TPO: variants seen among roughly 807,000 people sequenced by gnomAD.
TPO encodes thyroid microsomal antigen.
In TPO, 78 loss-of-function variants were observed where a neutral mutation model predicts 96.9. That is an observed-to-expected ratio of 0.81 (90% CI 0.67 to 0.97). TPO has a LOEUF of 0.97. Among genes scored for constraint, TPO ranks in the 50% least tolerant of loss-of-function variants. The probability of loss-of-function intolerance (pLI) is 0.00; values close to 1 mark genes in which losing one functional copy is unlikely to be tolerated. For missense variants in TPO, 1,252 were observed against 1,274.8 expected (o/e 0.98, Z 0.27); for synonymous variants, 547 against 538.0 (o/e 1.02, Z -0.23).
intron 14 of TPO, among the ~76,000 whole-genome samples, chr2:1,507,237 G>T (rs536092466): frequency 8.9e-4 from 136 of 152,218 alleles, no homozygotes; most frequent in South Asian, 2.1e-3. Context: ...TGTTCCATTG[G>T]TCTATATCTC....
rs1423708445 is a variant in TPO at position 1,516,961 on chromosome 2, C to T, written c.2597C>T (p.Thr866Ile). 2 of 1,613,868 alleles carry T rather than the reference C, an allele frequency of 1.2e-6. No individual in the cohort carries two copies. The highest frequency in any genetic ancestry group is 1.7e-6 in the Non-Finnish European group (2 of 1,180,048). The change falls in exon 15 of 17, where the codon ACC (threonine) becomes ATC (isoleucine). Residue 866 changes from threonine to isoleucine, a missense_variant. By Grantham distance (89) the Thr-to-Ile change is moderately conservative (BLOSUM62 -1). Coordinates refer to ENST00000329066, the MANE Select transcript of TPO (RefSeq NM_001206744.2). ...ALLIGGFAGL[T>I]STVICRWTRT... The stretch of plus-strand genomic sequence containing the variant: ...CTGATCGGAGGCTTCGCAGGTCTCA[C>T]CTCGACGGTGATTTGCAGGTGGTAA...
chr2:1,494,154 T>C (rs1672092044), intron 11 of TPO, 115 bp downstream of exon 11: 1 of 1,066,362 alleles, frequency 9.4e-7, no homozygotes, highest in Non-Finnish European at 1.4e-6. Context: ...ATTCAACTCT[T>C]ACGTAAGCCT....
intron 4 of TPO, among the ~76,000 whole-genome samples, 170 bp downstream of exon 4, chr2:1,433,777 A>C (rs1384319261): frequency 6.6e-6 from 1 of 152,146 alleles, no homozygotes; most frequent in Non-Finnish European, 1.5e-5. Context: ...TGCTTACCAA[A>C]CAGTCTCAAT....
chr2:1,475,537 C>G (rs1451092621), intron 7 of TPO, among the ~76,000 whole-genome samples: 1 of 152,124 alleles, frequency 6.6e-6, no homozygotes, highest in Non-Finnish European at 1.5e-5. Flanking sequence ...CATTCTCCTG[C>G]CTCAGCCTCC....
intron 7 of TPO, among the ~76,000 whole-genome samples, chr2:1,471,270 A>G (rs1669379687): frequency 6.6e-6 from 1 of 152,158 alleles, no homozygotes; most frequent in Admixed American, 6.5e-5. Context: ...GGGTGCAGTT[A>G]GTCTATTCGA....
chr2:1,457,879 G>A (rs1410113648), intron 7 of TPO, among the ~76,000 whole-genome samples: 2 of 151,954 alleles, frequency 1.3e-5, no homozygotes, highest in Admixed American at 6.6e-5. Context: ...ATGATCTCGG[G>A]TGGGCACGTG....
chr2:1,433,152 G>A (rs1665195530), intron 3 of TPO, among the ~76,000 whole-genome samples: 1 of 152,128 alleles, frequency 6.6e-6, no homozygotes, highest in Non-Finnish European at 1.5e-5. Context: ...CAATTGTTAT[G>A]AGAATCCAAT....
chr2:1,448,293 TG>T (rs1475938352), intron 5 of TPO, among the ~76,000 whole-genome samples: 1 of 152,228 alleles, frequency 6.6e-6, no homozygotes, highest in Non-Finnish European at 1.5e-5. Context: ...ACGCAGCTCC[TG>T]CATGCAGCTC....
At chr2:1,493,425 G>A (rs1372536399) in intron 10 of TPO, among the ~76,000 whole-genome samples, 1 of 152,180 alleles carries the variant, frequency 6.6e-6, no homozygotes, top group Non-Finnish European at 1.5e-5. Context: ...TGGCGTCCGA[G>A]CTGGAACATT....
chr2:1,477,175 G>T lies in TPO; in HGVS notation c.909G>T (p.Ala303=), dbSNP rs1433208263. Residue 303 remains alanine, a synonymous_variant, in exon 8 of 17, where the codon GCG becomes GCT. Transcript: ENST00000329066. ...CCTGCGGCACCGGGGACCAAGGCGC[G>T]CTCTTTGGGAACCTGTCCACGGCCA... is the stretch of plus-strand genomic sequence containing the variant. ...SAACGTGDQG[A]LFGNLSTANP... 1 of 1,609,788 alleles carries T rather than the reference G, an allele frequency of 6.2e-7. No individual in the cohort carries two copies. Among genetic ancestry groups the T allele is most frequent in the Admixed American group, 1.7e-5 (1 of 59,722 alleles).
At chr2:1,532,183 C>A (rs1348662588) in intron 15 of TPO, among the ~76,000 whole-genome samples, 5 of 101,492 alleles carry the variant, frequency 4.9e-5, no homozygotes, top group African/African-American at 7.7e-5. Flanking sequence ...CCACAGTGCG[C>A]AACCTCCTCA....
At chr2:1,441,606 T>G (rs1315144191) in intron 5 of TPO, among the ~76,000 whole-genome samples, 1 of 152,126 alleles carries the variant, frequency 6.6e-6, no homozygotes, top group East Asian at 1.9e-4. Context: ...CAGATCAGGG[T>G]CCTCGACTCT....
rs1680908764 is a variant in TPO, at chr2:1,542,902, C to T, written c.*428C>T. The T allele has an allele frequency of 3.3e-6, 1 of 300,482 alleles. No homozygotes were observed. Among genetic ancestry groups the T allele is most frequent in the Non-Finnish European group, 6.4e-6 (1 of 156,208 alleles). 18.6% of individuals were successfully genotyped at this position (300,482 alleles called of 1,614,324 possible). A position where few individuals can be genotyped will look rare whatever the true frequency, so the allele number is the denominator to read the frequency against. On this transcript the variant is annotated 3_prime_UTR_variant, in exon 17 of 17. Transcript: ENST00000329066. ...GTCCACAGGGCCTACATCTGGCTTC[C>T]CTCTTCTCCTGGGAAGAGCACTCCT...
At chr2:1,456,397 G>A in intron 7 of TPO, 115 bp downstream of exon 7, 3 of 1,148,898 alleles carry the variant, frequency 2.6e-6, no homozygotes, top group Non-Finnish European at 3.8e-6. Context: ...TATTCCCAGG[G>A]GTAGCAGTTG....
At chr2:1,409,894 G>A (rs561691941), upstream of TPO, among the ~76,000 whole-genome samples, 15 of 149,542 alleles carry the variant, frequency 1.0e-4, no homozygotes, top group South Asian at 2.6e-3. Flanking sequence ...TAAAAGTGTC[G>A]AGCTCATGGA....
chr2:1,541,087 T>TAATC (rs879211406), intron 16 of TPO: 20 of 1,214,588 alleles, frequency 1.6e-5, no homozygotes, highest in Non-Finnish European at 1.5e-5. Flanking sequence ...GGAATAGTTA[T>TAATC]AATCAGTGTG....
rs982658576 is a variant in TPO at position 1,413,500 on chromosome 2, C to T, written c.-47C>T. On this transcript the variant is annotated 5_prime_UTR_variant, in exon 1 of 17. Transcript: ENST00000329066. ...GCGCCCATTTCAGAAGAGTTACAGC[C>T]GTGAAAATTACTCAGCAGTGCAGTT... is the stretch of plus-strand genomic sequence containing the variant. The T allele has an allele frequency of 9.7e-5, 19 of 196,720 alleles. No homozygotes were observed. Among genetic ancestry groups the T allele is most frequent in the East Asian group, 1.9e-4 (1 of 5,364 alleles). The allele number at this position is 196,720 out of a possible 1,614,324, so 12.2% of individuals were successfully genotyped here. A position where few individuals can be genotyped will look rare whatever the true frequency, so the allele number is the denominator to read the frequency against.
At chr2:1,451,321 G>A (rs961645550) in intron 5 of TPO, among the ~76,000 whole-genome samples, 2 of 152,052 alleles carry the variant, frequency 1.3e-5, no homozygotes, top group African/African-American at 4.8e-5. Context: ...ATCTAAATCG[G>A]TCACATTTAA....
chr2:1,383,196 G>A (rs1661836887), intron 1 of TPO, among the ~76,000 whole-genome samples: 1 of 152,160 alleles, frequency 6.6e-6, no homozygotes, highest in Non-Finnish European at 1.5e-5. Context: ...AAGTGTGCGT[G>A]TGTCTTTATA....
Sources: gnomAD v4.1 joint callset for allele counts (sites outside exome capture counted in the v4.1 genomes callset) on GRCh38, gnomAD v4.1.1 for gene constraint, MANE v1.5 for transcripts, NCBI Gene and HGNC (gene_info 2026-07-23, HGNC 2026-07-21) for gene names.